The following DISC1 variants were observed in gnomAD, a reference collection of about 807,000 sequenced individuals.
DISC1 encodes disrupted in schizophrenia 1 protein.
Under a neutral mutation model 84.5 loss-of-function variants are expected in DISC1, and 57 were observed. The ratio of observed to expected loss-of-function variants is 0.67; its 90% confidence interval spans 0.55 to 0.84. DISC1 has a LOEUF of 0.84. Ranked by LOEUF, DISC1 falls within the 40% of genes least tolerant of loss-of-function variation. DISC1 has a pLI of 0.00. For synonymous variants in DISC1, 411 were observed against 415.2 expected (o/e 0.99, Z 0.12); for missense variants, 1,000 against 1,057.8 (o/e 0.95, Z 0.76).
intron 3 of DISC1, among the ~76,000 whole-genome samples, chr1:231,703,831 G>C (rs894432638): frequency 6.6e-6 from 1 of 152,176 alleles, no homozygotes; most frequent in Non-Finnish European, 1.5e-5. Flanking sequence ...GAAGTTTCAG[G>C]GTGGGCTCAG....
intron 9 of DISC1, among the ~76,000 whole-genome samples, chr1:231,922,352 T>G (rs1024773249): frequency 6.6e-6 from 1 of 152,232 alleles, no homozygotes; most frequent in Non-Finnish European, 1.5e-5. Flanking sequence ...CTGCTTACTG[T>G]GTTCCAGGTA....
At chr1:231,639,200 A>G (rs527792025) in intron 1 of DISC1, among the ~76,000 whole-genome samples, 1 of 152,214 alleles carries the variant, frequency 6.6e-6, no homozygotes, top group Admixed American at 6.5e-5. Flanking sequence ...CTTTTCATGT[A>G]GATTGCGTGT....
chr1:231,828,805 G>A (rs2082034111), intron 9 of DISC1, among the ~76,000 whole-genome samples: 1 of 152,094 alleles, frequency 6.6e-6, no homozygotes, highest in South Asian at 2.1e-4. Context: ...ACAATAGTGA[G>A]AGCATGGCAC....
At chr1:231,797,546 C>T (rs2078855131) in intron 7 of DISC1, among the ~76,000 whole-genome samples, 1 of 152,116 alleles carries the variant, frequency 6.6e-6, no homozygotes, top group South Asian at 2.1e-4. Flanking sequence ...AGAAAGAGGG[C>T]AAGGCGGGGT....
intron 10 of DISC1, among the ~76,000 whole-genome samples, chr1:231,996,192 G>A (rs1558819346): frequency 6.6e-6 from 1 of 152,012 alleles, no homozygotes; most frequent in African/African-American, 2.4e-5. Context: ...GGGGTTGTTT[G>A]TTTTTTTCTT....
At chr1:232,027,782 T>C (rs961109454) in intron 12 of DISC1, among the ~76,000 whole-genome samples, 13 of 148,292 alleles carry the variant, frequency 8.8e-5, no homozygotes, top group Non-Finnish European at 1.5e-4. Flanking sequence ...GTTTTTACCA[T>C]ACTTTATGGG....
chr1:231,972,582 A>T (rs993178008), intron 10 of DISC1, among the ~76,000 whole-genome samples: 5 of 152,246 alleles, frequency 3.3e-5, no homozygotes, highest in Non-Finnish European at 7.3e-5. Flanking sequence ...TCTAAGAAGA[A>T]TTCAGTGGGA....
intron 10 of DISC1, among the ~76,000 whole-genome samples, chr1:231,992,607 A>G (rs1244533413): frequency 1.3e-5 from 2 of 152,210 alleles, no homozygotes; most frequent in African/African-American, 4.8e-5. Flanking sequence ...AAATAATGTA[A>G]AAATTTTCAT....
At chr1:231,930,920 C>A (rs1055941309) in intron 9 of DISC1, among the ~76,000 whole-genome samples, 2 of 152,164 alleles carry the variant, frequency 1.3e-5, no homozygotes, top group Admixed American at 1.3e-4. Flanking sequence ...GCCAGGCTAC[C>A]ATTTGGGATT....
chr1:231,802,977 C>A (rs887513654), intron 8 of DISC1, among the ~76,000 whole-genome samples: 3 of 152,146 alleles, frequency 2.0e-5, no homozygotes, highest in Admixed American at 1.3e-4. Context: ...ATCCCATATC[C>A]AGATACCAAA....
intron 9 of DISC1, among the ~76,000 whole-genome samples, chr1:231,951,811 A>C (rs1218496440): frequency 6.6e-6 from 1 of 152,026 alleles, no homozygotes. Flanking sequence ...CACACCTGTA[A>C]TCTCAGTACT....
chr1:231,851,319 T>A (rs1381973520), intron 9 of DISC1, among the ~76,000 whole-genome samples: 1 of 152,198 alleles, frequency 6.6e-6, no homozygotes, highest in South Asian at 2.1e-4. Context: ...ATTCGCCGCC[T>A]TTCTCTAACT....
intron 9 of DISC1, among the ~76,000 whole-genome samples, chr1:231,937,414 A>T (rs901648659): frequency 2.6e-5 from 4 of 152,176 alleles, no homozygotes; most frequent in Non-Finnish European, 5.9e-5. Flanking sequence ...GATCAGGGGG[A>T]TCGATCTCAG....
chr1:231,894,272 G>A lies in DISC1; in HGVS notation c.1982-64556G>A, dbSNP rs560840265. On this transcript the variant is annotated intron_variant, in intron 9 of 12. Transcript: ENST00000439617. ...TATTTCAGAAATATAGAAAGGTACA[G>A]AAAAAAACATAGTGGACACCCATGT... is the stretch of plus-strand genomic sequence containing the variant. Among the ~76,000 whole-genome samples, 3 of 152,184 alleles carry A rather than the reference G, an allele frequency of 2.0e-5. No homozygotes were observed. In the South Asian group the frequency reaches 6.2e-4, roughly 32 times the overall value.
At chr1:231,929,548 C>A (rs183387485) in intron 9 of DISC1, among the ~76,000 whole-genome samples, 8 of 152,260 alleles carry the variant, frequency 5.3e-5, no homozygotes, top group African/African-American at 1.9e-4. Flanking sequence ...AGAGCACGGC[C>A]GCAGCTTCAA....
chr1:231,969,769 GC>G (rs1267800137), intron 10 of DISC1, among the ~76,000 whole-genome samples: 1 of 151,616 alleles, frequency 6.6e-6, no homozygotes, highest in African/African-American at 2.4e-5. Context: ...CCCATGACAG[GC>G]CCCGGTGTGT....
At chr1:231,818,970 C>T in intron 9 of DISC1, 1 of 1,000,076 alleles carries the variant, frequency 1.0e-6, no homozygotes, top group Middle Eastern at 5.1e-4. Flanking sequence ...AGCTTCTTTC[C>T]CCAGGAAGGA....
chr1:231,913,084 G>T (rs1558725667), intron 9 of DISC1, among the ~76,000 whole-genome samples: 1 of 151,864 alleles, frequency 6.6e-6, no homozygotes, highest in Non-Finnish European at 1.5e-5. Context: ...ATTTTTTACA[G>T]TATTTTTTAT....
At chr1:231,831,931 G>T (rs1387604136) in intron 9 of DISC1, among the ~76,000 whole-genome samples, 1 of 151,760 alleles carries the variant, frequency 6.6e-6, no homozygotes, top group Admixed American at 6.6e-5. Flanking sequence ...GGTGAGTGGC[G>T]ATTAGGCCTG....
Sources: gnomAD v4.1 joint callset for allele counts (sites outside exome capture counted in the v4.1 genomes callset) on GRCh38, gnomAD v4.1.1 for gene constraint, MANE v1.5 for transcripts, NCBI Gene and HGNC (gene_info 2026-07-23, HGNC 2026-07-21) for gene names.